GLYATL2: variants seen among roughly 807,000 people sequenced by gnomAD.
GLYATL2 encodes glycine-N-acyltransferase like 2, also known as glycine N-acyltransferase-like protein 2.
GLYATL2 carries 25 observed loss-of-function variants against 21.4 expected under a neutral mutation model. The observed-to-expected ratio is 1.17, with a 90% CI of 0.85 to 1.63. GLYATL2 has a LOEUF of 1.63. Ranked by LOEUF, GLYATL2 falls within the 40% of genes most tolerant of loss-of-function variation. The pLI, the probability that GLYATL2 is intolerant of heterozygous loss-of-function variation, is 0.00. For synonymous variants in GLYATL2, 114 were observed against 118.2 expected (o/e 0.96, Z 0.23); for missense variants, 361 against 343.3 (o/e 1.05, Z -0.41).
At chr11:58,898,243 A>AGATGAGTG (rs1854667605) in intron 1 of GLYATL2, among the ~76,000 whole-genome samples, 1 of 152,228 alleles carries the variant, frequency 6.6e-6, no homozygotes. Context: ...CCTCACATCC[A>AGATGAGTG]GATGAGTGTG....
intron 1 of GLYATL2, among the ~76,000 whole-genome samples, chr11:58,888,825 C>T (rs1854488929): frequency 6.6e-6 from 1 of 151,762 alleles, no homozygotes; most frequent in Admixed American, 6.6e-5. Flanking sequence ...TAATGTACAA[C>T]CTAAGAAAGT....
At chr11:58,896,273 T>C (rs1396708675) in intron 1 of GLYATL2, among the ~76,000 whole-genome samples, 1 of 152,120 alleles carries the variant, frequency 6.6e-6, no homozygotes, top group Non-Finnish European at 1.5e-5. Context: ...ATCACCTAAA[T>C]GGCACACCTG....
At chr11:58,897,952 C>T (rs2134627397) in intron 1 of GLYATL2, among the ~76,000 whole-genome samples, 1 of 152,108 alleles carries the variant, frequency 6.6e-6, no homozygotes, top group South Asian at 2.1e-4. Flanking sequence ...AAAAGGATAT[C>T]CTGTATATAT....
intron 1 of GLYATL2, chr11:58,885,386 A>T (rs1854418147): frequency 5.6e-6 from 2 of 357,796 alleles, no homozygotes; most frequent in Non-Finnish European, 1.1e-5. Context: ...CCAGATCCCC[A>T]TCTCTAGGGA....
At chr11:58,901,201 C>A (rs1160613942) in intron 1 of GLYATL2, among the ~76,000 whole-genome samples, 1 of 152,116 alleles carries the variant, frequency 6.6e-6, no homozygotes, top group African/African-American at 2.4e-5. Context: ...GGGCGGTTGA[C>A]CAGCTGAACG....
intron 1 of GLYATL2, among the ~76,000 whole-genome samples, chr11:58,882,463 G>T (rs537098): frequency 0.89 from 134,966 of 152,162 alleles, 61,022 homozygotes; most frequent in Non-Finnish European, 0.98. Context: ...TCTGAGTTCA[G>T]TGTAGATTCT....
At chr11:58,838,236 C>T in intron 3 of GLYATL2, 25 bp downstream of exon 3, 3 of 1,449,846 alleles carry the variant, frequency 2.1e-6, no homozygotes, top group South Asian at 2.3e-5. Flanking sequence ...TGACTACCCT[C>T]ATATTCAGTA....
intron 1 of GLYATL2, among the ~76,000 whole-genome samples, chr11:58,896,607 C>T (rs1854639574): frequency 6.6e-6 from 1 of 152,172 alleles, no homozygotes; most frequent in South Asian, 2.1e-4. Flanking sequence ...TGCCACCATG[C>T]TGCTTAGGAC....
chr11:58,906,945 G>C (rs555667602), upstream of GLYATL2, among the ~76,000 whole-genome samples: 3 of 152,314 alleles, frequency 2.0e-5, no homozygotes, highest in South Asian at 6.2e-4. Flanking sequence ...ATCAGAGTCT[G>C]TGAAGGTGGG....
intron 1 of GLYATL2, among the ~76,000 whole-genome samples, chr11:58,874,603 G>A (rs1165559234): frequency 6.6e-6 from 1 of 152,220 alleles, no homozygotes; most frequent in African/African-American, 2.4e-5. Flanking sequence ...GTGGTTTTGA[G>A]TGAGTTTCTT....
intron 1 of GLYATL2, among the ~76,000 whole-genome samples, chr11:58,901,106 G>C (rs950430558): frequency 2.0e-5 from 3 of 152,166 alleles, no homozygotes; most frequent in East Asian, 3.9e-4. Flanking sequence ...TGCTAAAAGG[G>C]GGCTGCCTGC....
chr11:58,847,834 T>A (rs945028918), upstream of GLYATL2, among the ~76,000 whole-genome samples: 1 of 151,960 alleles, frequency 6.6e-6, no homozygotes, highest in Non-Finnish European at 1.5e-5. Flanking sequence ...GAGCCTTAAG[T>A]GAACATAGGC....
At chr11:58,872,846 A>C (rs577601891) in intron 1 of GLYATL2, among the ~76,000 whole-genome samples, 2 of 152,302 alleles carry the variant, frequency 1.3e-5, no homozygotes, top group East Asian at 3.9e-4. Flanking sequence ...CTTGATAGGG[A>C]TGGCATTGAA....
upstream of GLYATL2, among the ~76,000 whole-genome samples, chr11:58,846,414 C>T (rs1853645172): frequency 1.3e-5 from 2 of 152,146 alleles, no homozygotes; most frequent in Non-Finnish European, 2.9e-5. Flanking sequence ...CTTCATATCC[C>T]TGAAAGAGGC....
At chr11:58,836,581 TA>T (rs1204981511) in intron 5 of GLYATL2, among the ~76,000 whole-genome samples, 1 of 152,184 alleles carries the variant, frequency 6.6e-6, no homozygotes, top group Non-Finnish European at 1.5e-5. Context: ...GTATGTGTTG[TA>T]AAAATAAATA....
upstream of GLYATL2, among the ~76,000 whole-genome samples, chr11:58,845,836 C>T (rs1238668205): frequency 6.6e-6 from 1 of 152,012 alleles, no homozygotes; most frequent in South Asian, 2.1e-4. Flanking sequence ...GATTCTCTAC[C>T]CTTAGGCAGT....
intron 1 of GLYATL2, among the ~76,000 whole-genome samples, chr11:58,873,629 A>G (rs1854167614): frequency 6.6e-6 from 1 of 152,212 alleles, no homozygotes; most frequent in Admixed American, 6.5e-5. Flanking sequence ...CATCCCAGGG[A>G]TGAAGCCCAC....
chr11:58,888,066 T>G (rs1031565723), intron 1 of GLYATL2, among the ~76,000 whole-genome samples: 5 of 152,164 alleles, frequency 3.3e-5, no homozygotes, highest in African/African-American at 1.2e-4. Context: ...TAATTTGCAT[T>G]TCCCTATTAA....
rs61729332 is a variant in GLYATL2, at chr11:58,834,747, C to A, written c.567G>T (p.Leu189Phe). 1,540 of 1,613,978 alleles carry A rather than the reference C, an allele frequency of 9.5e-4. 19 individuals carry two copies. In the African/African-American group the frequency reaches 0.018, roughly 19 times the overall value. Residue 189 changes from leucine (L) to phenylalanine (F), a missense_variant, in exon 6 of 6, where the codon TTG becomes TTT. Physicochemically the swap from Leu to Phe is conservative, Grantham distance 22. Coordinates refer to ENST00000287275, the MANE Select transcript of GLYATL2 (RefSeq NM_145016.4). ...CCTGGAGGCAGCGTTCAATATATTT[C>A]AAGCTCCTCTCATTTTTCCCAAAGG... ...HWAFGKNERS[L>F]KYIERCLQDF...
Sources: allele counts gnomAD v4.1 joint callset (sites outside exome capture counted in the v4.1 genomes callset), GRCh38; gene constraint gnomAD v4.1.1; transcripts MANE v1.5; gene names NCBI Gene and HGNC (gene_info 2026-07-23, HGNC 2026-07-21).